Variants in MTA3 observed in about 807,000 individuals in gnomAD.
MTA3 encodes metastasis associated 1 family member 3.
A neutral mutation model predicts 83.5 loss-of-function variants in MTA3; 34 were observed. The ratio of observed to expected loss-of-function variants is 0.41; its 90% confidence interval spans 0.31 to 0.54. The LOEUF is 0.54. MTA3 is among the 20% of genes least tolerant of loss of function. The pLI is 0.33. For synonymous variants in MTA3, 303 were observed against 252.7 expected (o/e 1.20, Z -1.89); for missense variants, 761 against 726.4 (o/e 1.05, Z -0.55).
At chr2:42,569,670 AAC>A (rs1321033636) in intron 1 of MTA3, 1 of 152,202 alleles carries the variant, frequency 6.6e-6, no homozygotes, top group Non-Finnish European at 1.5e-5. Context: ...CTTTCGGATA[AAC>A]ACACAGTGGG....
At chr2:42,546,182 G>C (rs184945932) in intron 2 of MTA3, among the ~76,000 whole-genome samples, 2 of 152,222 alleles carry the variant, frequency 1.3e-5, no homozygotes, top group Admixed American at 6.5e-5. Flanking sequence ...GAGGCGCCTG[G>C]TGACTGCTGG....
intron 3 of MTA3, among the ~76,000 whole-genome samples, chr2:42,604,072 G>T (rs1682930396): frequency 6.6e-6 from 1 of 150,436 alleles, no homozygotes; most frequent in Non-Finnish European, 1.5e-5. Context: ...ACAGAGTTTT[G>T]CTCTTGTCGC....
intron 1 of MTA3, among the ~76,000 whole-genome samples, chr2:42,570,120 C>T (rs1678300859): frequency 6.6e-6 from 1 of 152,068 alleles, no homozygotes; most frequent in Non-Finnish European, 1.5e-5. Context: ...ACAGAGGACA[C>T]ATGTTTAGCG....
At chr2:42,538,591 C>T (rs748080708) in intron 2 of MTA3, among the ~76,000 whole-genome samples, 2 of 151,524 alleles carry the variant, frequency 1.3e-5, no homozygotes, top group Non-Finnish European at 2.9e-5. Context: ...ACCTGTAACT[C>T]CTGCTACTCA....
intron 16 of MTA3, among the ~76,000 whole-genome samples, chr2:42,733,053 T>C (rs1668347029): frequency 6.6e-6 from 1 of 152,254 alleles, no homozygotes. Context: ...TGTTCCAACC[T>C]GTGCCTGTCA....
chr2:42,684,022 A>G (rs1177209170), intron 9 of MTA3, among the ~76,000 whole-genome samples: 1 of 152,236 alleles, frequency 6.6e-6, no homozygotes, highest in Non-Finnish European at 1.5e-5. Flanking sequence ...ATATACATAT[A>G]CATTGTGAAA....
At chr2:42,671,011 C>T (rs989640225) in intron 8 of MTA3, among the ~76,000 whole-genome samples, 2 of 151,870 alleles carry the variant, frequency 1.3e-5, no homozygotes. Flanking sequence ...CCCAAGATTT[C>T]CTTGTGAATC....
intron 14 of MTA3, among the ~76,000 whole-genome samples, chr2:42,713,562 G>A (rs753848858): frequency 1.4e-4 from 21 of 152,000 alleles, no homozygotes; most frequent in African/African-American, 2.7e-4. Flanking sequence ...ATCTCATCAC[G>A]TTCCTCATTC....
intron 14 of MTA3, among the ~76,000 whole-genome samples, chr2:42,715,222 A>G (rs1667709121): frequency 6.6e-6 from 1 of 152,144 alleles, no homozygotes; most frequent in African/African-American, 2.4e-5. Flanking sequence ...GCAGCCCAGC[A>G]TTCCTTCTAA....
intron 2 of MTA3, among the ~76,000 whole-genome samples, chr2:42,531,885 T>C (rs539118226): frequency 9.2e-5 from 14 of 152,174 alleles, no homozygotes; most frequent in African/African-American, 3.1e-4. Flanking sequence ...GCCTCCCGAG[T>C]AGCTGGGACT....
At chr2:42,553,434 A>AAT (rs1235310553) in intron 2 of MTA3, among the ~76,000 whole-genome samples, 41 of 147,386 alleles carry the variant, frequency 2.8e-4, no homozygotes, top group African/African-American at 9.1e-4. Context: ...AAAAAAAAAA[A>AAT]AAAATTAGGC....
intron 2 of MTA3, among the ~76,000 whole-genome samples, chr2:42,529,629 G>A (rs1675866751): frequency 6.6e-6 from 1 of 152,168 alleles, no homozygotes; most frequent in South Asian, 2.1e-4. Context: ...CCTTTGCAAG[G>A]CCCTAACTCT....
intron 4 of MTA3, among the ~76,000 whole-genome samples, chr2:42,616,178 G>C (rs939222011): frequency 5.9e-5 from 9 of 152,104 alleles, no homozygotes; most frequent in Non-Finnish European, 8.8e-5. Context: ...TCCCACCTCA[G>C]CCTCCCGAAT....
chr2:42,686,545 CTG>C (rs1692384235), intron 9 of MTA3, among the ~76,000 whole-genome samples: 1 of 151,612 alleles, frequency 6.6e-6, no homozygotes, highest in Admixed American at 6.6e-5. Context: ...AAAGAACAGT[CTG>C]GGCATGGTGG....
At chr2:42,611,197 C>T (rs1684163568) in intron 4 of MTA3, among the ~76,000 whole-genome samples, 1 of 151,722 alleles carries the variant, frequency 6.6e-6, no homozygotes, top group African/African-American at 2.4e-5. Context: ...GTTGGCCAGG[C>T]TGGTCTCGAA....
chr2:42,568,475 G>C (rs1320578061), upstream of MTA3: 8 of 146,878 alleles, frequency 5.4e-5, no homozygotes, highest in Admixed American at 2.4e-4. Flanking sequence ...ATTCCCGCTG[G>C]CCCCGCAGCG....
chr2:42,700,469 A>G (rs1190344854), intron 11 of MTA3, among the ~76,000 whole-genome samples: 4 of 152,220 alleles, frequency 2.6e-5, no homozygotes, highest in Non-Finnish European at 5.9e-5. Context: ...CATTAAGACA[A>G]GTGATGTATT....
At chr2:42,569,555 C>T (rs1678236786) in intron 1 of MTA3, 1 of 152,152 alleles carries the variant, frequency 6.6e-6, no homozygotes. Context: ...GCTCATTAGC[C>T]GAGCTTCTGA....
chr2:42,666,662 A>C (rs1306099964), intron 8 of MTA3, among the ~76,000 whole-genome samples: 2 of 151,986 alleles, frequency 1.3e-5, no homozygotes, highest in African/African-American at 2.4e-5. Flanking sequence ...TATAATTAAA[A>C]ACTCATTTTT....
Sources: gnomAD v4.1 joint callset for allele counts (sites outside exome capture counted in the v4.1 genomes callset) on GRCh38, gnomAD v4.1.1 for gene constraint, MANE v1.5 for transcripts, NCBI Gene and HGNC (gene_info 2026-07-23, HGNC 2026-07-21) for gene names.